Variants in MGAT4C observed in about 807,000 individuals in gnomAD.
MGAT4C encodes alpha-1,3-mannosyl-glycoprotein 4-beta-N-acetylglucosaminyltransferase C.
MGAT4C carries 19 observed loss-of-function variants against 40.1 expected under a neutral mutation model. That is an observed-to-expected ratio of 0.47 (90% CI 0.33 to 0.70). MGAT4C has a LOEUF of 0.70. MGAT4C is among the 30% of genes least tolerant of loss of function. The probability of loss-of-function intolerance (pLI) is 0.02; values close to 1 mark genes in which losing one functional copy is unlikely to be tolerated. For synonymous variants in MGAT4C, 181 were observed against 187.1 expected (o/e 0.97, Z 0.27); for missense variants, 491 against 563.2 (o/e 0.87, Z 1.30).
chr12:86,523,522 T>C (rs548550671), intron 2 of MGAT4C, among the ~76,000 whole-genome samples: 39 of 152,272 alleles, frequency 2.6e-4, no homozygotes, highest in African/African-American at 8.4e-4. Flanking sequence ...TGATGAACTT[T>C]ATATTATGTT....
intron 4 of MGAT4C, among the ~76,000 whole-genome samples, chr12:86,328,161 A>G (rs749905212): frequency 6.6e-6 from 1 of 152,196 alleles, no homozygotes; most frequent in Non-Finnish European, 1.5e-5. Flanking sequence ...CAATACCAAT[A>G]ATGTACCATT....
intron 4 of MGAT4C, among the ~76,000 whole-genome samples, chr12:86,312,671 A>G (rs1954108728): frequency 6.6e-6 from 1 of 152,002 alleles, no homozygotes; most frequent in Non-Finnish European, 1.5e-5. Context: ...CTATATATAT[A>G]TAATGTAAAT....
At chr12:85,987,432 C>A (rs1003067363) in intron 3 of MGAT4C, among the ~76,000 whole-genome samples, 6 of 151,964 alleles carry the variant, frequency 3.9e-5, no homozygotes, top group Non-Finnish European at 5.9e-5. Context: ...CCACCGCGCC[C>A]GGCCAATAAT....
At chr12:86,304,597 A>G (rs903218057) in intron 4 of MGAT4C, among the ~76,000 whole-genome samples, 2 of 150,736 alleles carry the variant, frequency 1.3e-5, no homozygotes, top group Non-Finnish European at 2.9e-5. Context: ...ATCCTATTCT[A>G]TGAGTTTAAT....
chr12:86,587,101 C>G (rs1334399575), intron 2 of MGAT4C, among the ~76,000 whole-genome samples: 1 of 151,914 alleles, frequency 6.6e-6, no homozygotes, highest in East Asian at 1.9e-4. Flanking sequence ...ACATTTAAGT[C>G]TTTAATCCAT....
At chr12:86,405,337 G>A (rs1592800282) in intron 3 of MGAT4C, among the ~76,000 whole-genome samples, 1 of 151,910 alleles carries the variant, frequency 6.6e-6, no homozygotes, top group East Asian at 1.9e-4. Context: ...ATTTTTATAT[G>A]CCAGCAATGA....
intron 3 of MGAT4C, among the ~76,000 whole-genome samples, chr12:86,344,238 G>GA (rs1243774612): frequency 6.6e-6 from 1 of 152,092 alleles, no homozygotes; most frequent in Non-Finnish European, 1.5e-5. Context: ...ACATTTAAAA[G>GA]AAAAACATTC....
Position 86,645,728 on chromosome 12 carries a change from A to G in MGAT4C, c.-229+81481T>C, listed in dbSNP as rs553672758. Among the ~76,000 whole-genome samples the G allele has an allele frequency of 1.2e-4, 18 of 151,826 alleles. No individual in the cohort carries two copies. In the South Asian group the frequency reaches 3.5e-3, roughly 30 times the overall value. On this transcript the variant is annotated intron_variant, in intron 2 of 7. Coordinates refer to the MGAT4C transcript ENST00000548651. The stretch of plus-strand genomic sequence containing the variant: ...AATCTATATGGCAGATACTTTCTAC[A>G]TTTCATTCTTCTTGACAGCAGTGGC...
chr12:86,003,009 C>T (rs1279890841), intron 2 of MGAT4C, among the ~76,000 whole-genome samples: 1 of 152,002 alleles, frequency 6.6e-6, no homozygotes, highest in Non-Finnish European at 1.5e-5. Context: ...CCATGTTGCC[C>T]AGGCTGGTCC....
rs73393087 is a variant in MGAT4C, at chr12:86,584,360, T to C, written c.-229+142849A>G. On this transcript the variant is annotated intron_variant, in intron 2 of 7. Transcript: ENST00000548651. ...GTCATATTATCAAACATTAAAATTA[T>C]GTCCTCATTGATGCCACAGTCTCTA... is the stretch of plus-strand genomic sequence containing the variant. Among the ~76,000 whole-genome samples, 494 of 151,170 alleles carry C rather than the reference T, an allele frequency of 3.3e-3. 2 individuals are homozygous for C. The highest frequency in any genetic ancestry group is 0.012 in the African/African-American group (480 of 41,444).
At chr12:86,418,590 C>CAATAAATAAATAAATA (rs57242289) in intron 3 of MGAT4C, among the ~76,000 whole-genome samples, 7 of 145,662 alleles carry the variant, frequency 4.8e-5, no homozygotes, top group African/African-American at 1.8e-4. Flanking sequence ...GACTCCATCT[C>CAATAAATAAATAAATA]AATAAATAAA....
chr12:86,405,629 G>A (rs771741234), intron 3 of MGAT4C, among the ~76,000 whole-genome samples: 3 of 151,684 alleles, frequency 2.0e-5, no homozygotes, highest in Non-Finnish European at 2.9e-5. Context: ...TTCATACAGT[G>A]AGACAAATAA....
intron 2 of MGAT4C, among the ~76,000 whole-genome samples, chr12:86,485,629 G>A (rs916330581): frequency 6.6e-6 from 1 of 152,058 alleles, no homozygotes; most frequent in African/African-American, 2.4e-5. Flanking sequence ...AGAAAGGAGA[G>A]GGTAAGCAAC....
intron 1 of MGAT4C, among the ~76,000 whole-genome samples, chr12:86,247,403 A>G (rs993626697): frequency 1.3e-5 from 2 of 152,144 alleles, no homozygotes; most frequent in Admixed American, 1.3e-4. Context: ...TACTCCAGAC[A>G]CTGGAGGTTC....
chr12:86,765,056 T>A (rs1038701347), intron 1 of MGAT4C, among the ~76,000 whole-genome samples: 2 of 152,038 alleles, frequency 1.3e-5, no homozygotes, highest in Non-Finnish European at 2.9e-5. Flanking sequence ...CTTCAGATGA[T>A]CAAACTACTC....
At chr12:86,805,389 T>C (rs749307567) in intron 1 of MGAT4C, among the ~76,000 whole-genome samples, 1 of 151,878 alleles carries the variant, frequency 6.6e-6, no homozygotes, top group Non-Finnish European at 1.5e-5. Context: ...TCTAGTAGTC[T>C]CCAGTTTGTA....
chr12:86,803,859 G>A (rs1352807119), intron 1 of MGAT4C, among the ~76,000 whole-genome samples: 22 of 151,234 alleles, frequency 1.5e-4, no homozygotes, highest in Non-Finnish European at 5.9e-5. Flanking sequence ...TCAGTGTGGT[G>A]ATTCCTCAGG....
intron 2 of MGAT4C, among the ~76,000 whole-genome samples, chr12:86,707,657 A>T (rs1427281144): frequency 6.6e-6 from 1 of 151,754 alleles, no homozygotes; most frequent in Non-Finnish European, 1.5e-5. Context: ...CGGCCTCCCA[A>T]GTAGCTGGGG....
At chr12:86,837,584 T>C (rs968421024) in intron 1 of MGAT4C, among the ~76,000 whole-genome samples, 2 of 152,104 alleles carry the variant, frequency 1.3e-5, no homozygotes, top group African/African-American at 4.8e-5. Context: ...ATATACACCA[T>C]GCTCCAGGTC....
Sources: allele counts gnomAD v4.1 joint callset (sites outside exome capture counted in the v4.1 genomes callset), GRCh38; gene constraint gnomAD v4.1.1; transcripts MANE v1.5; gene names NCBI Gene and HGNC (gene_info 2026-07-23, HGNC 2026-07-21).